Variants in SEMA3D observed in about 807,000 individuals in gnomAD.
The protein encoded by SEMA3D is semaphorin 3D.
A neutral mutation model predicts 100.1 loss-of-function variants in SEMA3D; 84 were observed. That is an observed-to-expected ratio of 0.84 (90% CI 0.70 to 1.01). The LOEUF (loss-of-function observed/expected upper bound fraction) is 1.01. Ranked by LOEUF, SEMA3D falls within the 50% of genes least tolerant of loss-of-function variation. SEMA3D has a pLI of 0.00. For missense variants in SEMA3D, 875 were observed against 934.1 expected (o/e 0.94, Z 0.82); for synonymous variants, 312 against 320.7 (o/e 0.97, Z 0.29).
At position 85,073,567 on chromosome 7, in the gene SEMA3D, C is replaced by T. The variant is rs188505555; in HGVS notation, c.376-486G>A. Among the ~76,000 whole-genome samples the T allele has an allele frequency of 6.6e-5, 10 of 152,192 alleles. No individual in the cohort carries two copies. The South Asian group carries it at 1.5e-3, about 22-fold the overall frequency. On this transcript the variant is annotated intron_variant, in intron 5 of 18. Transcript: ENST00000284136. The stretch of plus-strand genomic sequence containing the variant: ...ACACACCTGGTATCCTTACTTTCTA[C>T]AAGAAATACATAGAACACAGAATTT...
At chr7:85,241,467 G>GTATATA in the SEMA3D span, among the ~76,000 whole-genome samples, 880 of 91,980 alleles carry the variant, frequency 9.6e-3, 55 homozygotes, top group African/African-American at 0.032. Context: ...CTGTGTGTGT[G>GTATATA]TATATATATA....
At chr7:85,176,667 C>T (rs1294178628) in intron 1 of SEMA3D, among the ~76,000 whole-genome samples, 3 of 151,688 alleles carry the variant, frequency 2.0e-5, no homozygotes, top group Non-Finnish European at 2.9e-5. Flanking sequence ...AGGAAAGCTT[C>T]CTGAGAGACA....
At chr7:85,066,913 CAGAGAGAG>C (rs201123647) in intron 7 of SEMA3D, among the ~76,000 whole-genome samples, 8 of 127,820 alleles carry the variant, frequency 6.3e-5, no homozygotes, top group African/African-American at 1.6e-4. Context: ...CACACACACA[CAGAGAGAG>C]AGAGAGAGAG....
intron 3 of SEMA3D, among the ~76,000 whole-genome samples, chr7:85,100,193 G>A (rs1562818159): frequency 6.6e-6 from 1 of 151,932 alleles, no homozygotes; most frequent in Admixed American, 6.6e-5. Context: ...TAATGCAAAT[G>A]CATAGTTATA....
At chr7:85,014,990 C>G (rs1790056153) in intron 16 of SEMA3D, 69 bp downstream of exon 16, 3 of 1,180,610 alleles carry the variant, frequency 2.5e-6, no homozygotes, top group Non-Finnish European at 3.7e-6. Context: ...AACTATAAGA[C>G]AAAGCATTAA....
At chr7:85,056,861 A>G (rs1791331608) in intron 8 of SEMA3D, among the ~76,000 whole-genome samples, 1 of 144,898 alleles carries the variant, frequency 6.9e-6, no homozygotes, top group Non-Finnish European at 1.5e-5. Context: ...TTGATGTCAT[A>G]CTGAAATTTA....
intron 13 of SEMA3D, 53 bp from the exon 14 acceptor site, chr7:85,020,374 G>A (rs1584528735): frequency 1.5e-6 from 2 of 1,293,806 alleles, no homozygotes; most frequent in African/African-American, 1.5e-5. Context: ...AAAATTAGTG[G>A]TAAGCATATC....
chr7:85,181,061 G>A (rs1029874480), intron 1 of SEMA3D, among the ~76,000 whole-genome samples: 1 of 152,088 alleles, frequency 6.6e-6, no homozygotes, highest in African/African-American at 2.4e-5. Context: ...TCATTTTAAT[G>A]CAATAATATC....
chr7:85,077,751 C>T (rs1179371257), intron 5 of SEMA3D, among the ~76,000 whole-genome samples: 1 of 152,062 alleles, frequency 6.6e-6, no homozygotes, highest in African/African-American at 2.4e-5. Flanking sequence ...CCCTTGATCA[C>T]ATACTGCTGG....
chr7:85,125,745 A>T (rs1789549028), intron 2 of SEMA3D, among the ~76,000 whole-genome samples: 1 of 151,844 alleles, frequency 6.6e-6, no homozygotes, highest in Non-Finnish European at 1.5e-5. Flanking sequence ...CGTCTTGCCA[A>T]CAACCTCCTT....
intron 2 of SEMA3D, among the ~76,000 whole-genome samples, chr7:85,150,893 T>G (rs1790360996): frequency 6.6e-6 from 1 of 152,084 alleles, no homozygotes; most frequent in Non-Finnish European, 1.5e-5. Context: ...ATGGTGTTAT[T>G]TTGTGTTTCC....
intron 3 of SEMA3D, among the ~76,000 whole-genome samples, chr7:85,098,551 C>T (rs924063490): frequency 6.6e-6 from 1 of 151,694 alleles, no homozygotes. Flanking sequence ...AGGCTTATAG[C>T]AAAACTGAGA....
At chr7:85,015,298 T>C in intron 15 of SEMA3D, 82 bp from the exon 16 acceptor site, 1 of 1,323,888 alleles carries the variant, frequency 7.6e-7, no homozygotes, top group South Asian at 1.3e-5. Flanking sequence ...TATCACATAA[T>C]ACATATAAAT....
chr7:85,027,857 T>A (rs1790433307), intron 12 of SEMA3D: 1 of 548,688 alleles, frequency 1.8e-6, no homozygotes, highest in Non-Finnish European at 3.6e-6. Context: ...TTGGTATTGA[T>A]CTTGGCACCA....
At chr7:85,004,455 G>A (rs1466360871) in intron 18 of SEMA3D, among the ~76,000 whole-genome samples, 5 of 152,072 alleles carry the variant, frequency 3.3e-5, no homozygotes, top group Admixed American at 3.3e-4. Flanking sequence ...CAGAAGCCTG[G>A]GGACTGCCAA....
chr7:85,116,109 A>G (rs1393402657), intron 3 of SEMA3D, among the ~76,000 whole-genome samples: 1 of 151,378 alleles, frequency 6.6e-6, no homozygotes, highest in Non-Finnish European at 1.5e-5. Flanking sequence ...TATGTTTGTG[A>G]AGTGTCTGAA....
chr7:85,000,555 GT>G (rs1789628446), intron 18 of SEMA3D, among the ~76,000 whole-genome samples: 1 of 152,138 alleles, frequency 6.6e-6, no homozygotes, highest in Admixed American at 6.5e-5. Flanking sequence ...TCTCTTTGCT[GT>G]GGATTGAATT....
At chr7:85,072,549 A>C (rs1221444056) in intron 6 of SEMA3D, among the ~76,000 whole-genome samples, 1 of 152,248 alleles carries the variant, frequency 6.6e-6, no homozygotes, top group African/African-American at 2.4e-5. Context: ...CATAGAAAAC[A>C]AACACTTTTA....
At chr7:85,209,627 T>C in the SEMA3D span, among the ~76,000 whole-genome samples, 1 of 152,212 alleles carries the variant, frequency 6.6e-6, no homozygotes, top group South Asian at 2.1e-4. Flanking sequence ...CTGTTTGCTT[T>C]GACATTTTGT....
Sources: allele counts gnomAD v4.1 joint callset (sites outside exome capture counted in the v4.1 genomes callset), GRCh38; gene constraint gnomAD v4.1.1; transcripts MANE v1.5; gene names NCBI Gene and HGNC (gene_info 2026-07-23, HGNC 2026-07-21).